OTOGL: variants seen among roughly 807,000 people sequenced by gnomAD.
The protein encoded by OTOGL is otogelin like, also known as otogelin-like protein.
Under a neutral mutation model 318.5 loss-of-function variants are expected in OTOGL, and 285 were observed. That is an observed-to-expected ratio of 0.89 (90% CI 0.81 to 0.99). The LOEUF is 0.99. OTOGL is among the 50% of genes least tolerant of loss of function. The pLI is 0.00. For missense variants in OTOGL, 2,899 were observed against 2,845.6 expected (o/e 1.02, Z -0.43); for synonymous variants, 987 against 936.5 (o/e 1.05, Z -0.99).
chr12:80,150,190 G>A (rs1390820962), intron 1 of OTOGL, among the ~76,000 whole-genome samples: 2 of 152,116 alleles, frequency 1.3e-5, no homozygotes, highest in Non-Finnish European at 2.9e-5. Context: ...CCTGTTCCCT[G>A]GAAATCTCTC....
intron 31 of OTOGL, among the ~76,000 whole-genome samples, chr12:80,313,879 A>T (rs1886809449): frequency 6.6e-6 from 1 of 152,186 alleles, no homozygotes; most frequent in African/African-American, 2.4e-5. Context: ...AATATAAATT[A>T]TTTAAATACC....
At chr12:80,368,904 T>C (rs774957623) in intron 55 of OTOGL, among the ~76,000 whole-genome samples, 1 of 151,616 alleles carries the variant, frequency 6.6e-6, no homozygotes, top group Non-Finnish European at 1.5e-5. Flanking sequence ...TTAGCATAAA[T>C]ATAATCTATT....
At chr12:80,302,905 C>T (rs1213864658) in intron 28 of OTOGL, 122 bp downstream of exon 28, 2 of 923,472 alleles carry the variant, frequency 2.2e-6, no homozygotes, top group Non-Finnish European at 1.4e-6. Flanking sequence ...TCCAGAATTA[C>T]TAACTCATAC....
chr12:80,273,821 G>A (rs1174803132), intron 24 of OTOGL, among the ~76,000 whole-genome samples: 1 of 151,802 alleles, frequency 6.6e-6, no homozygotes, highest in East Asian at 1.9e-4. Context: ...TCTCTGTGTT[G>A]CATTTTGGTA....
chr12:80,351,803 GA>G (rs997898630), intron 44 of OTOGL, among the ~76,000 whole-genome samples: 5 of 151,802 alleles, frequency 3.3e-5, no homozygotes, highest in East Asian at 3.9e-4. Flanking sequence ...TATTCTATAG[GA>G]AAAAAATGAG....
chr12:80,131,882 T>A (rs1221728250), intron 1 of OTOGL: 1 of 152,230 alleles, frequency 6.6e-6, no homozygotes, highest in Non-Finnish European at 1.5e-5. Flanking sequence ...AACTCAAAAC[T>A]ATTTCTGTCT....
intron 29 of OTOGL, among the ~76,000 whole-genome samples, chr12:80,307,256 C>T (rs1176308329): frequency 9.8e-6 from 1 of 101,992 alleles, no homozygotes; most frequent in Non-Finnish European, 2.5e-5. Flanking sequence ...TTTTCCCCAC[C>T]TTTCCCCCCT....
At chr12:80,171,673 C>G (rs1334648795) in intron 1 of OTOGL, among the ~76,000 whole-genome samples, 4 of 152,122 alleles carry the variant, frequency 2.6e-5, no homozygotes, top group Non-Finnish European at 4.4e-5. Context: ...ATTTTACCAT[C>G]AGCTTGTTTA....
chr12:80,271,600 T>C, intron 23 of OTOGL, 48 bp from the exon 24 acceptor site: 1 of 1,563,400 alleles, frequency 6.4e-7, no homozygotes, highest in Non-Finnish European at 8.7e-7. Context: ...ATATCTCCCA[T>C]GCCATGACAA....
At chr12:80,149,709 C>A (rs571841250) in intron 1 of OTOGL, among the ~76,000 whole-genome samples, 1 of 152,206 alleles carries the variant, frequency 6.6e-6, no homozygotes, top group South Asian at 2.1e-4. Flanking sequence ...GCTGTGCTAG[C>A]AATCATCGAG....
chr12:80,260,408 C>G (rs1565937292), intron 18 of OTOGL, among the ~76,000 whole-genome samples: 1 of 152,052 alleles, frequency 6.6e-6, no homozygotes, highest in Non-Finnish European at 1.5e-5. Flanking sequence ...AATGGGTCAG[C>G]AGTCAATGTT....
intron 1 of OTOGL, among the ~76,000 whole-genome samples, chr12:80,145,670 T>C (rs541423584): frequency 1.3e-5 from 2 of 152,034 alleles, no homozygotes; most frequent in East Asian, 3.9e-4. Context: ...TTTCACGATA[T>C]TGATTCTTCC....
intron 27 of OTOGL, among the ~76,000 whole-genome samples, chr12:80,298,812 T>C (rs1885577952): frequency 6.6e-6 from 1 of 152,028 alleles, no homozygotes; most frequent in Non-Finnish European, 1.5e-5. Context: ...GAGCATGGGG[T>C]AAAGGCAATA....
At chr12:80,144,490 A>G (rs1872193915) in intron 1 of OTOGL, among the ~76,000 whole-genome samples, 1 of 148,428 alleles carries the variant, frequency 6.7e-6, no homozygotes, top group Admixed American at 6.7e-5. Flanking sequence ...AGTCTTTGCT[A>G]TTGTGAATAG....
intron 55 of OTOGL, among the ~76,000 whole-genome samples, chr12:80,368,737 C>A (rs1456809827): frequency 6.6e-6 from 1 of 151,768 alleles, no homozygotes; most frequent in Non-Finnish European, 1.5e-5. Flanking sequence ...AAATTAGAAT[C>A]TAGAGACAAG....
At chr12:80,121,300 G>A (rs1220379887) in intron 1 of OTOGL, among the ~76,000 whole-genome samples, 3 of 152,110 alleles carry the variant, frequency 2.0e-5, no homozygotes, top group Non-Finnish European at 2.9e-5. Flanking sequence ...AAAACAGAAC[G>A]ATTTCTATGT....
chr12:80,347,965 GTTGT>G (rs1338022389), intron 44 of OTOGL, among the ~76,000 whole-genome samples: 9 of 152,070 alleles, frequency 5.9e-5, no homozygotes, highest in African/African-American at 1.9e-4. Context: ...TTTTGATGGG[GTTGT>G]TTGTTTTTTT....
chr12:80,172,687 T>C (rs975226495), intron 1 of OTOGL, among the ~76,000 whole-genome samples: 5 of 152,112 alleles, frequency 3.3e-5, no homozygotes, highest in Non-Finnish European at 5.9e-5. Flanking sequence ...ATATACACCA[T>C]GGAATACTTT....
Position 80,252,102 on chromosome 12 carries a change from C to T in OTOGL, c.1186C>T (p.His396Tyr), listed in dbSNP as rs764345358. ...CTDKCDDSFV[H>Y]RDCISCCPPT... ...TGATAAATGTGATGATAGCTTTGTC[C>T]ATCGGGACTGTATCAGTTGTTGTCC... Residue 396 changes from histidine (H) to tyrosine (Y), a missense_variant, in exon 13 of 59, where the codon CAT (histidine) becomes TAT (tyrosine). Coordinates refer to ENST00000547103, the MANE Select transcript of OTOGL (RefSeq NM_001378609.3). 5 of 1,554,214 alleles carry T rather than the reference C, an allele frequency of 3.2e-6. No individual in the cohort carries two copies. The highest frequency in any genetic ancestry group is 1.4e-5 in the African/African-American group (1 of 73,350).
Sources: gnomAD v4.1 joint callset for allele counts (sites outside exome capture counted in the v4.1 genomes callset) on GRCh38, gnomAD v4.1.1 for gene constraint, MANE v1.5 for transcripts, NCBI Gene and HGNC (gene_info 2026-07-23, HGNC 2026-07-21) for gene names.